SLC36A1: variants seen among roughly 807,000 people sequenced by gnomAD.
The protein encoded by SLC36A1 is solute carrier family 36 member 1, also known as proton-coupled amino acid transporter 1.
A neutral mutation model predicts 47.5 loss-of-function variants in SLC36A1; 30 were observed. That is an observed-to-expected ratio of 0.63 (90% confidence interval 0.47 to 0.86). SLC36A1 has a LOEUF of 0.86. Among genes scored for constraint, SLC36A1 ranks in the 40% least tolerant of loss-of-function variants. The probability of loss-of-function intolerance (pLI) is 0.00; values close to 1 mark genes in which losing one functional copy is unlikely to be tolerated. For missense variants in SLC36A1, 517 were observed against 606.0 expected (o/e 0.85, Z 1.54); for synonymous variants, 255 against 249.7 (o/e 1.02, Z -0.20).
chr5:151,384,647 C>G, the SLC36A1 span, among the ~76,000 whole-genome samples: 26 of 152,196 alleles, frequency 1.7e-4, no homozygotes, highest in Admixed American at 1.7e-3. Flanking sequence ...TATAGCAAAA[C>G]TATTCCTCTC....
At chr5:151,526,461 A>G in the SLC36A1 span, among the ~76,000 whole-genome samples, 1 of 152,232 alleles carries the variant, frequency 6.6e-6, no homozygotes, top group Non-Finnish European at 1.5e-5. Flanking sequence ...TTCCCTGAGT[A>G]TCATTTTAGC....
chr5:151,423,936 A>G, the SLC36A1 span, among the ~76,000 whole-genome samples: 2 of 151,972 alleles, frequency 1.3e-5, no homozygotes, highest in Non-Finnish European at 2.9e-5. Flanking sequence ...TTTTGCTGTG[A>G]ACCTAAAACT....
chr5:151,382,247 C>A, the SLC36A1 span: 9 of 1,330,792 alleles, frequency 6.8e-6, no homozygotes, highest in Non-Finnish European at 9.7e-6. Flanking sequence ...TCGAGACTCA[C>A]TACCAGCCTG....
the SLC36A1 span, among the ~76,000 whole-genome samples, chr5:151,514,015 G>A: frequency 1.3e-5 from 2 of 152,134 alleles, no homozygotes; most frequent in African/African-American, 4.8e-5. Flanking sequence ...AGGACTGCCT[G>A]TGACCAAATA....
the SLC36A1 span, among the ~76,000 whole-genome samples, chr5:151,499,227 G>T: frequency 6.6e-6 from 1 of 152,250 alleles, no homozygotes; most frequent in Non-Finnish European, 1.5e-5. Context: ...CTGGATGCCT[G>T]AGAAAGTTCC....
chr5:151,393,692 G>A, the SLC36A1 span, among the ~76,000 whole-genome samples: 1 of 152,068 alleles, frequency 6.6e-6, no homozygotes, highest in Non-Finnish European at 1.5e-5. Context: ...GAAATTCTGG[G>A]TTGAAAATTC....
intron 1 of SLC36A1, among the ~76,000 whole-genome samples, chr5:151,455,570 G>A (rs182406734): frequency 8.5e-5 from 13 of 152,222 alleles, no homozygotes; most frequent in East Asian, 1.9e-4. Context: ...GAGGTTTCTC[G>A]GTTGCTAGGG....
the SLC36A1 span, chr5:151,412,703 C>G: frequency 6.9e-6 from 1 of 144,340 alleles, no homozygotes; most frequent in Non-Finnish European, 1.5e-5. Flanking sequence ...AATCGCCACG[C>G]CTCTGCCCTG....
At chr5:151,487,337 C>T (rs1320243537) in intron 10 of SLC36A1, among the ~76,000 whole-genome samples, 1 of 152,254 alleles carries the variant, frequency 6.6e-6, no homozygotes, top group East Asian at 1.9e-4. Flanking sequence ...TTCGTCAGTT[C>T]CTCCTTCCTG....
At chr5:151,405,410 C>T in the SLC36A1 span, among the ~76,000 whole-genome samples, 3 of 131,966 alleles carry the variant, frequency 2.3e-5, no homozygotes, top group Non-Finnish European at 3.1e-5. Context: ...AATACAATGG[C>T]GAGATCATGG....
At chr5:151,412,783 T>C in the SLC36A1 span, 1 of 144,386 alleles carries the variant, frequency 6.9e-6, no homozygotes, top group East Asian at 2.4e-4. Flanking sequence ...GAACCTTAGC[T>C]GCGACCTGCC....
At chr5:151,417,963 C>G in the SLC36A1 span, among the ~76,000 whole-genome samples, 1 of 152,236 alleles carries the variant, frequency 6.6e-6, no homozygotes, top group African/African-American at 2.4e-5. Context: ...TGTGAAGTCT[C>G]AAGACTTGGT....
the SLC36A1 span, among the ~76,000 whole-genome samples, chr5:151,525,406 T>C: frequency 6.6e-6 from 1 of 152,208 alleles, no homozygotes; most frequent in Admixed American, 6.5e-5. Context: ...CTGGCTAAGC[T>C]CTAGGAGCTA....
the SLC36A1 span, chr5:151,549,361 G>T: frequency 1.2e-6 from 2 of 1,614,046 alleles, no homozygotes; most frequent in Non-Finnish European, 1.7e-6. Context: ...CGGACCTGCA[G>T]CAGCTCTGTG....
At chr5:151,417,730 A>G in the SLC36A1 span, among the ~76,000 whole-genome samples, 2 of 152,258 alleles carry the variant, frequency 1.3e-5, no homozygotes, top group African/African-American at 4.8e-5. Context: ...AATTTGCAAC[A>G]TGACAATGCA....
chr5:151,399,187 A>G, the SLC36A1 span, among the ~76,000 whole-genome samples: 2 of 150,106 alleles, frequency 1.3e-5, no homozygotes, highest in East Asian at 2.0e-4. Context: ...CCCAGGTTCA[A>G]GCGATTCTCT....
the SLC36A1 span, chr5:151,378,590 A>G: frequency 5.0e-6 from 1 of 198,276 alleles, no homozygotes; most frequent in South Asian, 1.0e-4. Context: ...AGAAGAGGTC[A>G]TGGTGACCAT....
chr5:151,524,434 G>A, the SLC36A1 span, among the ~76,000 whole-genome samples: 3 of 80,660 alleles, frequency 3.7e-5, no homozygotes, highest in Admixed American at 2.9e-4. Context: ...TTATGAGAAG[G>A]GCCATGTGAT....
the SLC36A1 span, among the ~76,000 whole-genome samples, chr5:151,414,348 A>G: frequency 2.8e-5 from 4 of 140,772 alleles, no homozygotes; most frequent in African/African-American, 9.8e-5. Context: ...TGCACAATCT[A>G]TTTGAGAATG....
Sources: gnomAD v4.1 joint callset for allele counts (sites outside exome capture counted in the v4.1 genomes callset) on GRCh38, gnomAD v4.1.1 for gene constraint, MANE v1.5 for transcripts, NCBI Gene and HGNC (gene_info 2026-07-23, HGNC 2026-07-21) for gene names.